ATG10: variants seen among roughly 807,000 people sequenced by gnomAD.
The protein encoded by ATG10 is autophagy related 10, also known as ubiquitin-like-conjugating enzyme ATG10.
In ATG10, 30 loss-of-function variants were observed where a neutral mutation model predicts 32.1. The observed-to-expected ratio is 0.94, with a 90% CI of 0.70 to 1.27. ATG10 has a LOEUF of 1.27. Among genes scored for constraint, ATG10 ranks in the 50% most tolerant of loss-of-function variants. The probability of loss-of-function intolerance (pLI) is 0.00; values close to 1 mark genes in which losing one functional copy is unlikely to be tolerated. For missense variants in ATG10, 233 were observed against 262.3 expected (o/e 0.89, Z 0.77); for synonymous variants, 87 against 91.5 (o/e 0.95, Z 0.28).
rs372488340 is a variant in ATG10, at chr5:82,154,109, A to G, written c.217-10290A>G. Among the ~76,000 whole-genome samples, 51 of 152,122 alleles carry G rather than the reference A, an allele frequency of 3.4e-4. 1 individual carries two copies. In the South Asian group the frequency reaches 0.01, roughly 31 times the overall value. On this transcript the variant is annotated intron_variant, in intron 3 of 7. Transcript: ENST00000282185. ...CTCACAAGCTAAGAATGGTTTTTAT[A>G]TTTTTATATGGTTAAAAAAAGAATT...
chr5:81,973,505 T>C (rs1249050733), intron 1 of ATG10, among the ~76,000 whole-genome samples: 1 of 152,250 alleles, frequency 6.6e-6, no homozygotes. Context: ...CCTGAAATGC[T>C]TTTGAGCACA....
At chr5:82,081,929 A>G (rs1032105579) in intron 3 of ATG10, among the ~76,000 whole-genome samples, 1 of 152,198 alleles carries the variant, frequency 6.6e-6, no homozygotes, top group African/African-American at 2.4e-5. Context: ...TTTCAGAAGG[A>G]ATGGTACCAG....
intron 6 of ATG10, 39 bp from the exon 7 acceptor site, chr5:82,253,275 G>A: frequency 7.2e-7 from 1 of 1,386,682 alleles, no homozygotes; most frequent in Non-Finnish European, 1.0e-6. Context: ...AAACTACAAT[G>A]GAAACGTTAG....
chr5:82,058,597 A>G lies in ATG10; in HGVS notation c.211A>G (p.Met71Val), dbSNP rs1763675626. The G allele has an allele frequency of 1.9e-6, 3 of 1,602,696 alleles. No homozygotes were observed. Among genetic ancestry groups the G allele is most frequent in the African/African-American group, 1.3e-5 (1 of 74,660 alleles). Residue 71 changes from methionine to valine, a missense_variant, in exon 3 of 8, where the codon ATG becomes GTG. Coordinates refer to ENST00000282185, the MANE Select transcript of ATG10 (RefSeq NM_031482.5). The stretch of plus-strand genomic sequence containing the variant: ...TACCCATGGACAGACATGTCTTCCC[A>G]TGGAGGTGAGTAGTTTAATGCATCA... ...ASTHGQTCLP[M>V]EEAFELPLDD... is the part of the protein sequence containing the mutation.
At chr5:82,146,800 T>C (rs1767376680) in intron 3 of ATG10, among the ~76,000 whole-genome samples, 1 of 152,150 alleles carries the variant, frequency 6.6e-6, no homozygotes, top group South Asian at 2.1e-4. Flanking sequence ...AAATGTCCTG[T>C]TTTTTAAAAT....
intron 2 of ATG10, among the ~76,000 whole-genome samples, chr5:82,004,668 G>T (rs1487424503): frequency 6.6e-6 from 1 of 152,166 alleles, no homozygotes; most frequent in African/African-American, 2.4e-5. Context: ...GGTGCATGAC[G>T]AGTATGCAGT....
At chr5:82,214,648 G>C (rs1448795374) in intron 5 of ATG10, among the ~76,000 whole-genome samples, 1 of 152,184 alleles carries the variant, frequency 6.6e-6, no homozygotes, top group African/African-American at 2.4e-5. Context: ...CTGAGAAGAG[G>C]ACTTTAGGCC....
intron 5 of ATG10, among the ~76,000 whole-genome samples, chr5:82,197,234 A>AT (rs1178577168): frequency 6.6e-6 from 1 of 151,978 alleles, no homozygotes; most frequent in South Asian, 2.1e-4. Context: ...TTTTGTGTGT[A>AT]TTTTTTTGTA....
chr5:82,055,852 T>C (rs1008350675), intron 2 of ATG10, among the ~76,000 whole-genome samples: 6 of 152,218 alleles, frequency 3.9e-5, no homozygotes, highest in African/African-American at 1.4e-4. Flanking sequence ...TGTTTAGATA[T>C]GCTTAGATAC....
intron 2 of ATG10, among the ~76,000 whole-genome samples, chr5:82,054,496 G>C (rs1294101482): frequency 6.6e-6 from 1 of 152,168 alleles, no homozygotes; most frequent in Non-Finnish European, 1.5e-5. Flanking sequence ...GTCCACGAGA[G>C]TCAATAAGCC....
chr5:82,238,442 C>T (rs1010548858), intron 5 of ATG10, among the ~76,000 whole-genome samples: 2 of 148,978 alleles, frequency 1.3e-5, no homozygotes, highest in South Asian at 2.2e-4. Context: ...GAGTATTTCA[C>T]CTTTAGGAGT....
intron 2 of ATG10, among the ~76,000 whole-genome samples, chr5:81,996,438 C>T (rs1477993216): frequency 6.6e-6 from 1 of 152,124 alleles, no homozygotes; most frequent in Non-Finnish European, 1.5e-5. Flanking sequence ...TGGGGTCACA[C>T]TATGTTGCCC....
At chr5:82,220,705 C>G (rs1745887773) in intron 5 of ATG10, among the ~76,000 whole-genome samples, 1 of 151,064 alleles carries the variant, frequency 6.6e-6, no homozygotes, top group African/African-American at 2.4e-5. Context: ...TCTTGGCTCT[C>G]TGCAAGCTCT....
At chr5:82,055,807 G>T (rs1170830332) in intron 2 of ATG10, among the ~76,000 whole-genome samples, 1 of 152,142 alleles carries the variant, frequency 6.6e-6, no homozygotes, top group East Asian at 1.9e-4. Context: ...GTTCCCATGA[G>T]ATTATAATAC....
chr5:82,017,713 ATAT>A (rs1378612392), intron 2 of ATG10, among the ~76,000 whole-genome samples: 1 of 152,306 alleles, frequency 6.6e-6, no homozygotes, highest in East Asian at 1.9e-4. Flanking sequence ...ATTGGGTCCA[ATAT>A]TATTATTAAT....
chr5:82,167,125 G>A lies in ATG10; in HGVS notation c.355+2588G>A, dbSNP rs183256798. ...CTTTATATGGTCCAGTTTCCACCAG[G>A]CCAATTACTAGTAGCCCAAGACTCA... is the stretch of plus-strand genomic sequence containing the variant. On this transcript the variant is annotated intron_variant, in intron 4 of 7. Transcript: ENST00000282185. 2.6e-3 allele frequency among the ~76,000 whole-genome samples: 401 copies of A among 152,094 alleles called. 1 individual carries two copies. Among genetic ancestry groups the A allele is most frequent in the Admixed American group, 4.5e-3 (69 of 15,268 alleles).
intron 2 of ATG10, among the ~76,000 whole-genome samples, chr5:82,021,337 T>G (rs1348321523): frequency 6.6e-6 from 1 of 152,168 alleles, no homozygotes; most frequent in African/African-American, 2.4e-5. Context: ...CATCCCTCAG[T>G]ATCCCTGGGG....
chr5:82,142,415 A>G (rs1050330364), intron 3 of ATG10, among the ~76,000 whole-genome samples: 1 of 152,138 alleles, frequency 6.6e-6, no homozygotes, highest in African/African-American at 2.4e-5. Flanking sequence ...TGGGAATTTG[A>G]TGGGAGCTCT....
chr5:82,017,494 G>T (rs2149702305), intron 2 of ATG10, among the ~76,000 whole-genome samples: 1 of 152,162 alleles, frequency 6.6e-6, no homozygotes, highest in African/African-American at 2.4e-5. Flanking sequence ...ATTCTCAGGG[G>T]GAATGCTTTC....
Sources: gnomAD v4.1 joint callset for allele counts (sites outside exome capture counted in the v4.1 genomes callset) on GRCh38, gnomAD v4.1.1 for gene constraint, MANE v1.5 for transcripts, NCBI Gene and HGNC (gene_info 2026-07-23, HGNC 2026-07-21) for gene names.